TMEM266: variants seen among roughly 807,000 people sequenced by gnomAD.
TMEM266 encodes transmembrane protein 266, also known as Hv1 related protein 1.
Under a neutral mutation model 50.5 loss-of-function variants are expected in TMEM266, and 33 were observed. The observed-to-expected ratio is 0.65, with a 90% CI of 0.50 to 0.87. TMEM266 has a LOEUF of 0.87. Ranked by LOEUF, TMEM266 falls within the 40% of genes least tolerant of loss-of-function variation. TMEM266 has a pLI of 0.00. For missense variants in TMEM266, 655 were observed against 695.1 expected, an observed-to-expected ratio of 0.94 and a Z score of 0.65; for synonymous variants, 310 against 292.3, an observed-to-expected ratio of 1.06 and a Z score of -0.62.
chr15:76,065,818 G>A (rs2036404120), intron 1 of TMEM266, among the ~76,000 whole-genome samples: 1 of 152,062 alleles, frequency 6.6e-6, no homozygotes, highest in Non-Finnish European at 1.5e-5. Context: ...CTAAGATCTG[G>A]CTCTCGTTTA....
At chr15:76,197,383 G>C (rs1488466591) in intron 9 of TMEM266, among the ~76,000 whole-genome samples, 1 of 152,182 alleles carries the variant, frequency 6.6e-6, no homozygotes, top group East Asian at 1.9e-4. Flanking sequence ...CTGTGATCAG[G>C]GCTGGCTTCA....
At chr15:76,158,663 C>T (rs371916003) in intron 4 of TMEM266, among the ~76,000 whole-genome samples, 3 of 152,158 alleles carry the variant, frequency 2.0e-5, no homozygotes, top group South Asian at 2.1e-4. Context: ...TAAAGCAAAC[C>T]GTAAAAAAAG....
At chr15:76,194,994 T>C (rs1040330141) in intron 9 of TMEM266, among the ~76,000 whole-genome samples, 1 of 152,156 alleles carries the variant, frequency 6.6e-6, no homozygotes, top group African/African-American at 2.4e-5. Flanking sequence ...CTTATCTCCT[T>C]CCACCCCAGC....
intron 1 of TMEM266, among the ~76,000 whole-genome samples, chr15:76,088,474 G>C (rs2036803939): frequency 6.6e-6 from 1 of 152,074 alleles, no homozygotes. Flanking sequence ...GCAACAGAGG[G>C]AGACCTTGTC....
intron 1 of TMEM266, among the ~76,000 whole-genome samples, chr15:76,116,402 A>T (rs111300195): frequency 1.3e-5 from 2 of 151,776 alleles, no homozygotes; most frequent in African/African-American, 4.8e-5. Flanking sequence ...AAAGGTATGC[A>T]CCCCTCCCTC....
chr15:76,121,656 A>C (rs1184514514), intron 1 of TMEM266, among the ~76,000 whole-genome samples: 1 of 152,198 alleles, frequency 6.6e-6, no homozygotes, highest in Non-Finnish European at 1.5e-5. Context: ...ACCTTAAGTG[A>C]TCCGCCTGCC....
intron 1 of TMEM266, among the ~76,000 whole-genome samples, chr15:76,124,825 T>C (rs901707702): frequency 6.6e-6 from 1 of 151,910 alleles, no homozygotes; most frequent in African/African-American, 2.4e-5. Flanking sequence ...AATGGCACTT[T>C]TCACAGAAAA....
At chr15:76,082,798 G>A (rs749222313) in intron 1 of TMEM266, among the ~76,000 whole-genome samples, 1 of 152,068 alleles carries the variant, frequency 6.6e-6, no homozygotes, top group Non-Finnish European at 1.5e-5. Context: ...GTGAAACCCT[G>A]TCTCTACTAA....
intron 3 of TMEM266, among the ~76,000 whole-genome samples, chr15:76,144,980 C>T (rs2037735515): frequency 6.6e-6 from 1 of 152,232 alleles, no homozygotes; most frequent in South Asian, 2.1e-4. Flanking sequence ...GCACCATTCT[C>T]ATGAAGGATT....
rs568691653 is a variant in TMEM266 at position 76,103,616 on chromosome 15, A to T, written c.-96-30552A>T. ...TGGAATTTGCAGCAGTTGAAGATAA[A>T]AATGTGTATTTGGGGCTGGGCGCAG... On this transcript the variant is annotated intron_variant, in intron 1 of 10. Transcript: ENST00000388942. Among the ~76,000 whole-genome samples, 3 of 152,236 alleles carry T rather than the reference A, an allele frequency of 2.0e-5. No individual in the cohort carries two copies. In the South Asian group the frequency reaches 6.2e-4, roughly 32 times the overall value.
intron 1 of TMEM266, chr15:76,113,214 T>G (rs2037200070): frequency 6.6e-6 from 1 of 152,328 alleles, no homozygotes; most frequent in Non-Finnish European, 1.5e-5. Context: ...CTTGGGAGGC[T>G]AGGGCAGGAG....
intron 9 of TMEM266, among the ~76,000 whole-genome samples, chr15:76,200,308 ACT>A (rs961952582): frequency 6.6e-6 from 1 of 151,902 alleles, no homozygotes; most frequent in African/African-American, 2.4e-5. Flanking sequence ...CTCCGCTGTG[ACT>A]CTGTCACCTC....
chr15:76,192,001 C>T lies in TMEM266; in HGVS notation c.802C>T (p.Gln268Ter). The stretch of plus-strand genomic sequence containing the variant: ...CCGGCAGCTGCGCGCGCACCTGGCG[C>T]AGCAGGACCTGGACCTGGCTGCCGA... The change falls in exon 9 of 11, where the codon CAG becomes TAG. Residue 268 changes from glutamine to a stop codon, truncating the protein, a stop_gained. Transcript: ENST00000388942. LOFTEE classifies it high-confidence loss of function. 6.3e-7 allele frequency: 1 copy of T among 1,584,112 alleles called. No homozygotes were observed. The highest frequency in any genetic ancestry group is 1.1e-5 in the South Asian group (1 of 89,378).
At position 76,139,017 on chromosome 15, in the gene TMEM266, C is replaced by A. The variant is rs565861464; in HGVS notation, c.227+1122C>A. Among the ~76,000 whole-genome samples the A allele has an allele frequency of 8.5e-5, 13 of 152,310 alleles. No individual in the cohort carries two copies. In the East Asian group the frequency reaches 2.5e-3, roughly 29 times the overall value. On this transcript the variant is annotated intron_variant, in intron 3 of 10. Transcript: ENST00000388942. The surrounding 1 kb of genome is among the most constrained non-coding windows in gnomAD (Gnocchi z 4.1). ...CTTCCGACTCTGACAAGGGCTTTCC[C>A]TAGCTTCACCCTGGCAGGACCTTAG...
rs869160144 is a variant in TMEM266 at position 76,082,639 on chromosome 15, AAAG to A, written c.-97+22627_-97+22629del. On this transcript the variant is annotated intron_variant, in intron 1 of 10. Transcript: ENST00000388942. ...GGGGCGGCAAGCGTGGCACATGGTGAAAGAAGGAGCAAGAGAGCCGCCAGGCTC... is the reference window on the plus strand; with the variant it reads ...GGGGCGGCAAGCGTGGCACATGGTGAAAGGAGCAAGAGAGCCGCCAGGCTC... Among the ~76,000 whole-genome samples the A allele has an allele frequency of 5.1e-4, 5 of 9,882 alleles. No homozygotes were observed. In the Admixed American group the frequency reaches 0.013, roughly 25 times the overall value. 6.5% of individuals were successfully genotyped at this position (9,882 alleles called of 152,430 possible).
chr15:76,201,184 C>G (rs954444819), intron 9 of TMEM266, among the ~76,000 whole-genome samples: 1 of 152,138 alleles, frequency 6.6e-6, no homozygotes, highest in African/African-American at 2.4e-5. Flanking sequence ...CTCTGGTCTT[C>G]CTGCCACAGC....
At chr15:76,105,072 C>A (rs1235595757) in intron 1 of TMEM266, among the ~76,000 whole-genome samples, 1 of 151,882 alleles carries the variant, frequency 6.6e-6, no homozygotes, top group East Asian at 1.9e-4. Context: ...ATGGTGAAAC[C>A]CCATCTCTAC....
intron 8 of TMEM266, among the ~76,000 whole-genome samples, chr15:76,190,203 C>G (rs12050888): frequency 1.3e-5 from 2 of 152,320 alleles, no homozygotes; most frequent in East Asian, 3.9e-4. Context: ...CTGAGGGGGG[C>G]CACCGTGTGA....
At chr15:76,090,897 A>G (rs1163978599) in intron 1 of TMEM266, among the ~76,000 whole-genome samples, 3 of 152,198 alleles carry the variant, frequency 2.0e-5, no homozygotes, top group Non-Finnish European at 1.5e-5. Flanking sequence ...ATATTTTCCA[A>G]AAGCTATAAG....
Sources: allele counts gnomAD v4.1 joint callset (sites outside exome capture counted in the v4.1 genomes callset), GRCh38; gene constraint gnomAD v4.1.1; non-coding constraint Gnocchi (gnomAD v3.1); transcripts MANE v1.5; gene names NCBI Gene and HGNC (gene_info 2026-07-23, HGNC 2026-07-21).